ADCY7: variants seen among roughly 807,000 people sequenced by gnomAD.
ADCY7 encodes adenylate cyclase type 7.
Under a neutral mutation model 120.6 loss-of-function variants are expected in ADCY7, and 72 were observed. The ratio of observed to expected loss-of-function variants is 0.60; its 90% CI spans 0.49 to 0.73. ADCY7 has a LOEUF of 0.73. ADCY7 is among the 30% of genes least tolerant of loss of function. The pLI, the probability that ADCY7 is intolerant of heterozygous loss-of-function variation, is 0.00. For missense variants in ADCY7, 1,227 were observed against 1,486.0 expected, an observed-to-expected ratio of 0.83 and a Z score of 2.87; for synonymous variants, 661 against 628.0, an observed-to-expected ratio of 1.05 and a Z score of -0.78.
At chr16:50,269,818 G>T (rs1296179428) in intron 1 of ADCY7, among the ~76,000 whole-genome samples, 2 of 152,132 alleles carry the variant, frequency 1.3e-5, no homozygotes, top group African/African-American at 4.8e-5. Context: ...ATGCAGAGTG[G>T]GTCACAGTGG....
At chr16:50,300,693 T>G in intron 8 of ADCY7, 22 bp from the exon 9 acceptor site, 1 of 1,550,496 alleles carries the variant, frequency 6.4e-7, no homozygotes, top group Non-Finnish European at 8.7e-7. Context: ...AGGGCTGGGG[T>G]GACTGGGCCA....
intron 10 of ADCY7, among the ~76,000 whole-genome samples, chr16:50,304,133 G>C (rs2035907524): frequency 6.6e-6 from 1 of 152,176 alleles, no homozygotes; most frequent in African/African-American, 2.4e-5. Flanking sequence ...GCACCGAGCT[G>C]GGACCCCATA....
In ADCY7 at chr16:50,297,419, G is replaced by C. The variant is rs1485598937; in HGVS notation, c.949-1485G>C. Among the ~76,000 whole-genome samples the C allele has an allele frequency of 6.6e-6, 1 of 152,208 alleles. No individual in the cohort carries two copies. The highest frequency in any genetic ancestry group is 1.5e-5 in the Non-Finnish European group (1 of 68,032). ...GGGCTGGGTCCATGGGCAGTCCTGT[G>C]CCTGGTCCGAGAGGAGATCAGGGTA... On this transcript the variant is annotated intron_variant, in intron 7 of 25. Transcript: ENST00000673801. The surrounding 1 kb of genome is among the most constrained non-coding windows in gnomAD (Gnocchi z 4.4).
chr16:50,268,481 A>G (rs2033355992), intron 1 of ADCY7, among the ~76,000 whole-genome samples: 1 of 152,050 alleles, frequency 6.6e-6, no homozygotes, highest in Non-Finnish European at 1.5e-5. Flanking sequence ...GCTCACTGCA[A>G]CCTTGAACTC....
At chr16:50,290,325 TGTG>T in intron 2 of ADCY7, 129 bp from the exon 3 acceptor site, 2 of 930,674 alleles carry the variant, frequency 2.1e-6, no homozygotes, top group Non-Finnish European at 3.3e-6. Context: ...GGGAACCAGG[TGTG>T]GGAGGGTGCA....
At position 50,312,146 on chromosome 16, in the gene ADCY7, G is replaced by C; in HGVS notation, c.2559G>C (p.Leu853=). 2 of 1,614,232 alleles carry C rather than the reference G, an allele frequency of 1.2e-6. No homozygotes were observed. The highest frequency in any genetic ancestry group is 1.7e-6 in the Non-Finnish European group (2 of 1,180,042). ...ACCGCCTTCTTCTGGAGAACGTCCT[G>C]CCAGCCCACGTGGCTGCCCACTTTA... ...NVNRLLLENV[L]PAHVAAHFIG... is the part of the protein sequence containing the mutation. The change falls in exon 21 of 26, where the codon CTG becomes CTC. Residue 853 remains leucine (L), a synonymous_variant. Transcript: ENST00000673801.
chr16:50,260,524 T>C (rs1185380778), intron 1 of ADCY7, among the ~76,000 whole-genome samples: 2 of 152,212 alleles, frequency 1.3e-5, no homozygotes, highest in Non-Finnish European at 2.9e-5. Flanking sequence ...CACAGAGAGG[T>C]TGTATTTGTA....
intron 1 of ADCY7, among the ~76,000 whole-genome samples, chr16:50,281,401 T>TGCG (rs2034257106): frequency 6.6e-6 from 1 of 150,960 alleles, no homozygotes; most frequent in African/African-American, 2.4e-5. Context: ...GTGCGGCAGG[T>TGCG]GCAGCAGGTG....
intron 1 of ADCY7, among the ~76,000 whole-genome samples, chr16:50,253,091 G>A (rs1295355189): frequency 6.6e-6 from 1 of 152,156 alleles, no homozygotes; most frequent in Non-Finnish European, 1.5e-5. Context: ...TTTGACACAG[G>A]AGGTGCCCTG....
intron 10 of ADCY7, among the ~76,000 whole-genome samples, chr16:50,302,326 A>T (rs1162007794): frequency 6.6e-6 from 1 of 151,794 alleles, no homozygotes; most frequent in Non-Finnish European, 1.5e-5. Context: ...CCCCGTGCTG[A>T]GATGGATGCC....
intron 15 of ADCY7, among the ~76,000 whole-genome samples, chr16:50,307,432 G>C (rs187731555): frequency 6.6e-6 from 1 of 152,284 alleles, no homozygotes; most frequent in Non-Finnish European, 1.5e-5. Flanking sequence ...CTTGCCTTAG[G>C]TGTTTGGAGT....
At chr16:50,285,302 G>A (rs545608995) in intron 1 of ADCY7, among the ~76,000 whole-genome samples, 1 of 152,294 alleles carries the variant, frequency 6.6e-6, no homozygotes, top group African/African-American at 2.4e-5. Context: ...AAGGGGATGG[G>A]GCCCCCAGCA....
At chr16:50,302,603 A>T (rs1009468025) in intron 10 of ADCY7, among the ~76,000 whole-genome samples, 1 of 89,488 alleles carries the variant, frequency 1.1e-5, no homozygotes, top group Non-Finnish European at 2.0e-5. Context: ...AACTTCATTT[A>T]TCCACGCAGT....
rs1489400232 is a variant in ADCY7 at position 50,312,928 on chromosome 16, G to A, written c.2643G>A (p.Met881Ile). The change falls in exon 22 of 26, where the codon ATG becomes ATA. Residue 881 changes from methionine to isoleucine, a missense_variant. Transcript: ENST00000673801. ...YHQSYDCVCV[M>I]FASVPDFKVF... The stretch of plus-strand genomic sequence containing the variant: ...AGTCCTATGACTGCGTCTGTGTCAT[G>A]TTTGCCTCCGTGCCGGACTTCAAAG... 1 of 1,614,222 alleles carries A rather than the reference G, an allele frequency of 6.2e-7. No individual in the cohort carries two copies. The highest frequency in any genetic ancestry group is 1.7e-5 in the Admixed American group (1 of 60,030).
rs143102567 is a variant in ADCY7, at chr16:50,288,002, C to T, written c.-178C>T. 330 of 651,628 alleles carry T rather than the reference C, an allele frequency of 5.1e-4. No individual in the cohort carries two copies. The highest frequency in any genetic ancestry group is 4.4e-3 in the African/African-American group (236 of 53,574). 40.4% of individuals were successfully genotyped at this position (651,628 alleles called of 1,614,324 possible). On this transcript the variant is annotated 5_prime_UTR_variant, in exon 2 of 26. Coordinates refer to ENST00000673801, the MANE Select transcript of ADCY7 (RefSeq NM_001114.5). Reference sequence around the variant, plus strand: ...AGTGAGGCCTGGTGCCAGAGCTGTGCGGACCCCTTGTTGGCCATGGAGCAG... The same window carrying T: ...AGTGAGGCCTGGTGCCAGAGCTGTGTGGACCCCTTGTTGGCCATGGAGCAG...
chr16:50,315,170 G>A (rs1294911395), intron 25 of ADCY7, 32 bp downstream of exon 25: 1 of 1,612,216 alleles, frequency 6.2e-7, no homozygotes. Context: ...AGTTGACTAA[G>A]GGGAAAAGAT....
chr16:50,248,829 G>A (rs1441533246), intron 1 of ADCY7, among the ~76,000 whole-genome samples: 2 of 152,176 alleles, frequency 1.3e-5, no homozygotes, highest in Non-Finnish European at 2.9e-5. Context: ...GGATTTTGAG[G>A]TATTTCAGTA....
chr16:50,305,984 T>A, intron 14 of ADCY7, 135 bp downstream of exon 14: 1 of 812,086 alleles, frequency 1.2e-6, no homozygotes, highest in Non-Finnish European at 2.0e-6. Flanking sequence ...CCACAGCTGC[T>A]CCTGGGCGGG....
chr16:50,300,791 A>G lies in ADCY7; in HGVS notation c.1153A>G (p.Ile385Val), dbSNP rs1218977857. ...IHSGNVLCGV[I>V]GLRKWQYDVW... ...CTCGGGGAATGTGCTGTGCGGGGTC[A>G]TCGGGCTGCGCAAGTGGCAGTATGA... Residue 385 changes from isoleucine to valine, a missense_variant, in exon 9 of 26, where the codon ATC becomes GTC. Around this residue, in one of 5 missense-constraint regions of ADCY7, gnomAD observed 332 missense variants for 455.8 expected, o/e 0.73. Transcript: ENST00000673801. The G allele has an allele frequency of 1.3e-6, 2 of 1,554,450 alleles. No homozygotes were observed. The highest frequency in any genetic ancestry group is 1.7e-6 in the Non-Finnish European group (2 of 1,148,630).
Sources: allele counts gnomAD v4.1 joint callset (sites outside exome capture counted in the v4.1 genomes callset), GRCh38; gene constraint gnomAD v4.1.1; regional missense constraint gnomAD v4.1.1; non-coding constraint Gnocchi (gnomAD v3.1); transcripts MANE v1.5; gene names NCBI Gene and HGNC (gene_info 2026-07-23, HGNC 2026-07-21).